CEP89: variants seen among roughly 807,000 people sequenced by gnomAD.
CEP89 encodes centrosomal protein 89.
CEP89 carries 95 observed loss-of-function variants against 97.6 expected under a neutral mutation model. That is an observed-to-expected ratio of 0.97 (90% CI 0.82 to 1.15). The LOEUF is 1.15. Among genes scored for constraint, CEP89 ranks in the 50% most tolerant of loss-of-function variants. The pLI, the probability that CEP89 is intolerant of heterozygous loss-of-function variation, is 0.00. For synonymous variants in CEP89, 354 were observed against 349.1 expected (o/e 1.01, Z -0.16); for missense variants, 869 against 947.7 (o/e 0.92, Z 1.09).
At chr19:32,883,793 C>T (rs1360231168) in intron 17 of CEP89, among the ~76,000 whole-genome samples, 1 of 151,926 alleles carries the variant, frequency 6.6e-6, no homozygotes, top group Non-Finnish European at 1.5e-5. Flanking sequence ...GTAAATATAC[C>T]CTGTTGATTA....
At chr19:32,906,319 A>G (rs1012482424) in intron 14 of CEP89, among the ~76,000 whole-genome samples, 3 of 152,076 alleles carry the variant, frequency 2.0e-5, no homozygotes, top group African/African-American at 7.2e-5. Flanking sequence ...TTACCCCCAT[A>G]CTAGTTTAAA....
chr19:32,890,850 C>T (rs1445694437), intron 16 of CEP89, among the ~76,000 whole-genome samples: 1 of 152,150 alleles, frequency 6.6e-6, no homozygotes, highest in African/African-American at 2.4e-5. Flanking sequence ...CAGGTAGCTG[C>T]AGCACAGTGG....
intron 14 of CEP89, among the ~76,000 whole-genome samples, 188 bp downstream of exon 14, chr19:32,915,149 C>T (rs1006553359): frequency 1.3e-5 from 2 of 151,970 alleles, no homozygotes; most frequent in Admixed American, 6.6e-5. Flanking sequence ...GGCAGAGTGA[C>T]TCATTATACT....
chr19:32,962,340 G>T (rs1266939222), intron 2 of CEP89, among the ~76,000 whole-genome samples: 2 of 152,186 alleles, frequency 1.3e-5, no homozygotes, highest in African/African-American at 4.8e-5. Context: ...GTTTCCTGAG[G>T]ATTCCCCAGC....
intron 16 of CEP89, among the ~76,000 whole-genome samples, chr19:32,892,281 C>T (rs917758395): frequency 1.5e-5 from 2 of 134,508 alleles, no homozygotes; most frequent in African/African-American, 5.4e-5. Flanking sequence ...AGACTAACAG[C>T]GTATTTCTTT....
chr19:32,884,649 A>C (rs992215705), intron 17 of CEP89, among the ~76,000 whole-genome samples: 2 of 152,130 alleles, frequency 1.3e-5, no homozygotes, highest in Admixed American at 1.3e-4. Flanking sequence ...GTGTGATCAT[A>C]GCTCACTACA....
At chr19:32,908,110 A>G (rs573360410) in intron 14 of CEP89, among the ~76,000 whole-genome samples, 20 of 152,362 alleles carry the variant, frequency 1.3e-4, no homozygotes, top group African/African-American at 4.8e-4. Context: ...TACCCACACA[A>G]TGACGAAATC....
At chr19:32,885,551 G>T (rs1969376648) in intron 17 of CEP89, among the ~76,000 whole-genome samples, 1 of 152,080 alleles carries the variant, frequency 6.6e-6, no homozygotes, top group African/African-American at 2.4e-5. Context: ...CAGACTCCTG[G>T]GCTCAAGTGA....
At chr19:32,891,175 C>A (rs1362652056) in intron 16 of CEP89, among the ~76,000 whole-genome samples, 1 of 152,248 alleles carries the variant, frequency 6.6e-6, no homozygotes, top group South Asian at 2.1e-4. Flanking sequence ...AACCCCACCC[C>A]CTCCAGCCGC....
intron 14 of CEP89, among the ~76,000 whole-genome samples, chr19:32,913,310 T>G (rs200377531): frequency 3.9e-4 from 18 of 45,614 alleles, no homozygotes; most frequent in African/African-American, 1.4e-3. Flanking sequence ...TATATATTTT[T>G]TTGTTGTTGT....
intron 16 of CEP89, among the ~76,000 whole-genome samples, chr19:32,892,571 G>A (rs1040599273): frequency 6.6e-6 from 1 of 151,590 alleles, no homozygotes; most frequent in Non-Finnish European, 1.5e-5. Flanking sequence ...CTCCCAAAGT[G>A]CTGGGATTAC....
At chr19:32,898,965 A>G (rs1160065080) in intron 16 of CEP89, among the ~76,000 whole-genome samples, 6 of 151,832 alleles carry the variant, frequency 4.0e-5, no homozygotes, top group Admixed American at 3.3e-4. Context: ...TTCTATGCAC[A>G]TTACAAAATA....
At chr19:32,947,973 T>C (rs1168061940) in intron 5 of CEP89, among the ~76,000 whole-genome samples, 1 of 152,132 alleles carries the variant, frequency 6.6e-6, no homozygotes, top group Non-Finnish European at 1.5e-5. Context: ...GCTGATGTTT[T>C]TATTTTTACT....
At chr19:32,906,817 C>T (rs572049177) in intron 14 of CEP89, among the ~76,000 whole-genome samples, 1 of 151,730 alleles carries the variant, frequency 6.6e-6, no homozygotes, top group South Asian at 2.1e-4. Context: ...TTAATTTTGG[C>T]TATTGTGTGT....
intron 4 of CEP89, among the ~76,000 whole-genome samples, chr19:32,948,891 AT>A (rs948511346): frequency 6.7e-6 from 1 of 150,254 alleles, no homozygotes; most frequent in Non-Finnish European, 1.5e-5. Flanking sequence ...CAACCAGGTA[AT>A]TTTTTTTTTA....
intron 14 of CEP89, among the ~76,000 whole-genome samples, chr19:32,904,935 T>C (rs1969858582): frequency 6.6e-6 from 1 of 152,236 alleles, no homozygotes; most frequent in Admixed American, 6.5e-5. Flanking sequence ...AGAAATACAA[T>C]TAATTTTTAT....
Position 32,918,323 on chromosome 19 carries a change from G to A in CEP89, c.1285C>T (p.Gln429Ter), listed in dbSNP as rs1023548191. ...TSEEWRQLQT[Q>*]AKLVLEENKL... ...TTTTCCTCTAAAACCAGTTTTGCTT[G>A]AGTCTGAAGCTGACGCCTGCAATTG... Residue 429 changes from glutamine (Q) to a stop codon, truncating the protein, a stop_gained, in exon 13 of 19, where the codon CAA (glutamine) becomes TAA (stop). Transcript: ENST00000305768. LOFTEE classifies it high-confidence loss of function. The A allele has an allele frequency of 1.9e-6, 3 of 1,613,872 alleles. No individual in the cohort carries two copies. In the African/African-American group the frequency reaches 4.0e-5, roughly 22 times the overall value.
At chr19:32,906,379 T>C (rs1448350704) in intron 14 of CEP89, among the ~76,000 whole-genome samples, 1 of 152,212 alleles carries the variant, frequency 6.6e-6, no homozygotes, top group Non-Finnish European at 1.5e-5. Context: ...TTTCAAATTA[T>C]AAAATTAGTC....
At chr19:32,958,460 G>A (rs1446530224) in intron 3 of CEP89, among the ~76,000 whole-genome samples, 3 of 130,382 alleles carry the variant, frequency 2.3e-5, no homozygotes, top group South Asian at 4.9e-4. Context: ...CAAGGTGGGC[G>A]GATCACCAGA....
Sources: allele counts gnomAD v4.1 joint callset (sites outside exome capture counted in the v4.1 genomes callset), GRCh38; gene constraint gnomAD v4.1.1; transcripts MANE v1.5; gene names NCBI Gene and HGNC (gene_info 2026-07-23, HGNC 2026-07-21).